The following AUH variants were observed in gnomAD, a reference collection of about 807,000 sequenced individuals.
AUH encodes methylglutaconyl-CoA hydratase, mitochondrial.
Under a neutral mutation model 42.3 loss-of-function variants are expected in AUH, and 29 were observed. That is an observed-to-expected ratio of 0.69 (90% CI 0.51 to 0.93). The LOEUF (loss-of-function observed/expected upper bound fraction) is 0.93. Among genes scored for constraint, AUH ranks in the 40% least tolerant of loss-of-function variants. The pLI is 0.00. For missense variants in AUH, 452 were observed against 438.1 expected (o/e 1.03, Z -0.28); for synonymous variants, 174 against 166.4 (o/e 1.05, Z -0.35).
At chr9:91,249,539 A>T (rs866733977) in intron 6 of AUH, among the ~76,000 whole-genome samples, 3 of 152,116 alleles carry the variant, frequency 2.0e-5, no homozygotes, top group African/African-American at 7.2e-5. Context: ...CACCGACATA[A>T]GATCAGCAAT....
intron 6 of AUH, among the ~76,000 whole-genome samples, chr9:91,292,273 C>CTTTT (rs1017680283): frequency 1.5e-5 from 2 of 130,986 alleles, no homozygotes; most frequent in Non-Finnish European, 3.3e-5. Flanking sequence ...TGGGAACCCT[C>CTTTT]TTTTTTTTTT....
At chr9:91,277,545 C>T (rs1438848513) in intron 6 of AUH, among the ~76,000 whole-genome samples, 1 of 151,830 alleles carries the variant, frequency 6.6e-6, no homozygotes, top group African/African-American at 2.4e-5. Context: ...TAGCAAGCTG[C>T]AGAAGAGAAT....
intron 6 of AUH, among the ~76,000 whole-genome samples, chr9:91,228,347 G>T (rs1047776520): frequency 2.6e-5 from 4 of 151,718 alleles, no homozygotes; most frequent in African/African-American, 7.3e-5. Context: ...GCATAGAGGT[G>T]TTTGTAGTAT....
At chr9:91,350,498 C>T (rs1831881753) in intron 3 of AUH, among the ~76,000 whole-genome samples, 1 of 152,200 alleles carries the variant, frequency 6.6e-6, no homozygotes, top group Non-Finnish European at 1.5e-5. Flanking sequence ...GTGGCTCGCG[C>T]CTGTAATCCC....
At chr9:91,321,558 A>G (rs1054718917) in intron 4 of AUH, among the ~76,000 whole-genome samples, 2 of 152,198 alleles carry the variant, frequency 1.3e-5, no homozygotes, top group African/African-American at 4.8e-5. Flanking sequence ...GCATGCATCA[A>G]GTTGTTCAAA....
At chr9:91,265,726 A>G (rs1192173995) in intron 6 of AUH, among the ~76,000 whole-genome samples, 1 of 152,224 alleles carries the variant, frequency 6.6e-6, no homozygotes, top group South Asian at 2.1e-4. Context: ...CCATATCATC[A>G]GGAGTCTTAG....
intron 6 of AUH, among the ~76,000 whole-genome samples, chr9:91,234,054 A>G (rs1448390766): frequency 6.6e-6 from 1 of 152,290 alleles, no homozygotes; most frequent in South Asian, 2.1e-4. Flanking sequence ...ACTTCTAAAC[A>G]AGTTCCCCAA....
intron 6 of AUH, among the ~76,000 whole-genome samples, chr9:91,233,261 C>G (rs1450818990): frequency 1.3e-5 from 2 of 152,120 alleles, no homozygotes; most frequent in Admixed American, 6.5e-5. Context: ...CAGGAGGTAG[C>G]AAGGATTCCC....
At chr9:91,219,525 A>G (rs1410249661) in intron 7 of AUH, among the ~76,000 whole-genome samples, 1 of 152,220 alleles carries the variant, frequency 6.6e-6, no homozygotes, top group Admixed American at 6.5e-5. Context: ...TTATCTTTTT[A>G]AGGCAAAAAT....
At chr9:91,349,627 T>TTG (rs146398204) in intron 3 of AUH, among the ~76,000 whole-genome samples, 2 of 151,724 alleles carry the variant, frequency 1.3e-5, no homozygotes, top group East Asian at 1.9e-4. Context: ...TTGTTTTGAC[T>TTG]TGTGTGTGTG....
At chr9:91,216,197 C>A in intron 8 of AUH, 91 bp from the exon 9 acceptor site, 1 of 1,228,482 alleles carries the variant, frequency 8.1e-7, no homozygotes, top group South Asian at 1.2e-5. Flanking sequence ...ACCTTATCCC[C>A]AAAGCACCCA....
At chr9:91,244,762 C>T (rs1252784095) in intron 6 of AUH, among the ~76,000 whole-genome samples, 2 of 152,104 alleles carry the variant, frequency 1.3e-5, no homozygotes, top group African/African-American at 2.4e-5. Flanking sequence ...CTAGACATGA[C>T]GAGTATTAAT....
chr9:91,340,729 C>A (rs1273229570), intron 3 of AUH, among the ~76,000 whole-genome samples: 1 of 152,164 alleles, frequency 6.6e-6, no homozygotes, highest in Non-Finnish European at 1.5e-5. Flanking sequence ...CATGGCCAAG[C>A]CTCTCCAGCT....
chr9:91,214,269 C>G lies in AUH; in HGVS notation c.*79G>C. 8.2e-7 allele frequency: 1 copy of G among 1,224,432 alleles called. No homozygotes were observed. Among genetic ancestry groups the G allele is most frequent in the South Asian group, 1.3e-5 (1 of 78,398 alleles). The allele number at this position is 1,224,432 out of a possible 1,614,324, so 75.8% of individuals were successfully genotyped here. ...ACTTTGGTCATTAAGGTTCCATGTGCTGAGGCATATAGTGGATCCGAAAGA... is the reference window on the plus strand; with the variant it reads ...ACTTTGGTCATTAAGGTTCCATGTGGTGAGGCATATAGTGGATCCGAAAGA... On this transcript the variant is annotated 3_prime_UTR_variant, in exon 10 of 10. Transcript: ENST00000375731.
intron 4 of AUH, among the ~76,000 whole-genome samples, chr9:91,307,407 A>C (rs1451756825): frequency 6.6e-6 from 1 of 152,238 alleles, no homozygotes; most frequent in Admixed American, 6.5e-5. Context: ...TAAATCTAAA[A>C]TTATAGTAGT....
intron 4 of AUH, among the ~76,000 whole-genome samples, chr9:91,320,127 C>T (rs1829456997): frequency 1.3e-5 from 2 of 152,224 alleles, no homozygotes; most frequent in South Asian, 2.1e-4. Context: ...TATATTTGGA[C>T]ATATGGTAAT....
At chr9:91,353,719 T>C (rs950351087) in intron 3 of AUH, among the ~76,000 whole-genome samples, 5 of 150,350 alleles carry the variant, frequency 3.3e-5, no homozygotes, top group Middle Eastern at 3.2e-3. Context: ...GCGCCTGTAG[T>C]TCCAGCTACT....
chr9:91,296,021 C>T lies in AUH; in HGVS notation c.655G>A (p.Gly219Arg), dbSNP rs1827300812. 6.2e-7 allele frequency: 1 copy of T among 1,614,026 alleles called. No individual in the cohort carries two copies. The highest frequency in any genetic ancestry group is 8.5e-7 in the Non-Finnish European group (1 of 1,179,980). The part of the protein sequence containing the change: ...ETKLAIIPGG[G>R]GTQRLPRAIG... ...AGGAATGGGCGTGAACTACTCATAC[C>T]TCCACCAGGAATAATCGCCAATTTT... Residue 219 changes from glycine to arginine, a missense_variant and splice_region_variant, in exon 6 of 10, where the codon GGG becomes AGG. Transcript: ENST00000375731.
At chr9:91,318,775 T>C (rs561176247) in intron 4 of AUH, among the ~76,000 whole-genome samples, 2 of 152,334 alleles carry the variant, frequency 1.3e-5, no homozygotes, top group South Asian at 2.1e-4. Flanking sequence ...CCCAGCCCCC[T>C]TGCCTCTCCT....
Sources: gnomAD v4.1 joint callset for allele counts (sites outside exome capture counted in the v4.1 genomes callset) on GRCh38, gnomAD v4.1.1 for gene constraint, MANE v1.5 for transcripts, NCBI Gene and HGNC (gene_info 2026-07-23, HGNC 2026-07-21) for gene names.